The following PARD3B variants were observed in gnomAD, a reference collection of about 807,000 sequenced individuals.
PARD3B encodes partitioning defective 3 homolog B.
Under a neutral mutation model 130.2 loss-of-function variants are expected in PARD3B, and 103 were observed. The ratio of observed to expected loss-of-function variants is 0.79; its 90% CI spans 0.67 to 0.93. PARD3B has a LOEUF of 0.93. Among genes scored for constraint, PARD3B ranks in the 40% least tolerant of loss-of-function variants. The probability of loss-of-function intolerance (pLI) is 0.00; values close to 1 mark genes in which losing one functional copy is unlikely to be tolerated. For missense variants in PARD3B, 1,609 were observed against 1,499.2 expected (o/e 1.07, Z -1.21); for synonymous variants, 583 against 553.2 (o/e 1.05, Z -0.76).
Position 205,458,926 on chromosome 2 carries a change from G to A in PARD3B, c.3044+18254G>A, listed in dbSNP as rs2048360101. Among the ~76,000 whole-genome samples, 1 of 152,178 alleles carries A rather than the reference G, an allele frequency of 6.6e-6. No homozygotes were observed. The highest frequency in any genetic ancestry group is 2.1e-4 in the South Asian group (1 of 4,832). Reference sequence around the variant, plus strand: ...TCACTAGAAGCTGGATTTTAGTTATGTGAGGGGTAGTGTATTAGTTTACTC... The same window carrying A: ...TCACTAGAAGCTGGATTTTAGTTATATGAGGGGTAGTGTATTAGTTTACTC... On this transcript the variant is annotated intron_variant, in intron 20 of 22. Coordinates refer to ENST00000406610, the MANE Select transcript of PARD3B (RefSeq NM_001302769.2). This position sits in a 1 kb window ranked among gnomAD's most constrained non-coding sequence, Gnocchi z 4.8.
chr2:205,204,279 C>T (rs989502919), intron 15 of PARD3B, among the ~76,000 whole-genome samples: 9 of 152,112 alleles, frequency 5.9e-5, no homozygotes, highest in Non-Finnish European at 1.2e-4. Flanking sequence ...TCATATCCTT[C>T]ACCCACTTTT....
intron 4 of PARD3B, among the ~76,000 whole-genome samples, chr2:205,066,855 T>A (rs904192989): frequency 6.6e-6 from 1 of 152,094 alleles, no homozygotes; most frequent in Non-Finnish European, 1.5e-5. Context: ...TAACTTTTAT[T>A]TTCAGTTTTT....
At chr2:204,603,257 T>G (rs184596598) in intron 1 of PARD3B, among the ~76,000 whole-genome samples, 6 of 152,272 alleles carry the variant, frequency 3.9e-5, no homozygotes, top group African/African-American at 1.4e-4. Context: ...GTCAACCTCT[T>G]TGAGAATTTT....
chr2:205,381,858 C>G (rs1188908941), intron 18 of PARD3B, among the ~76,000 whole-genome samples: 2 of 151,968 alleles, frequency 1.3e-5, no homozygotes, highest in Non-Finnish European at 2.9e-5. Context: ...AGGGATGCAT[C>G]AAGCAGAACA....
intron 16 of PARD3B, among the ~76,000 whole-genome samples, chr2:205,254,674 T>A (rs147021071): frequency 0.034 from 5,195 of 151,026 alleles, 237 homozygotes; most frequent in African/African-American, 0.1. Context: ...ATTTTATTTT[T>A]TTTTTTTGAG....
chr2:204,944,283 T>C (rs1689139456), intron 2 of PARD3B, among the ~76,000 whole-genome samples: 1 of 152,234 alleles, frequency 6.6e-6, no homozygotes, highest in Non-Finnish European at 1.5e-5. Context: ...TGGAGACCTA[T>C]AAGGCAGAGA....
chr2:204,750,385 A>C (rs891669240), intron 2 of PARD3B, among the ~76,000 whole-genome samples: 1 of 152,276 alleles, frequency 6.6e-6, no homozygotes, highest in South Asian at 2.1e-4. Context: ...GCAGTTCAAG[A>C]CCAGCCTGGG....
intron 20 of PARD3B, among the ~76,000 whole-genome samples, chr2:205,483,114 C>T (rs2049308120): frequency 6.6e-6 from 1 of 152,138 alleles, no homozygotes; most frequent in South Asian, 2.1e-4. Flanking sequence ...CTCTCTCTGC[C>T]TTTCAGTATC....
chr2:204,936,663 T>G (rs542530027), intron 2 of PARD3B, among the ~76,000 whole-genome samples: 21 of 152,342 alleles, frequency 1.4e-4, no homozygotes, highest in Non-Finnish European at 2.2e-4. Context: ...GAACTGAGGA[T>G]TCTCTGAGTT....
chr2:204,897,385 G>GTTTT (rs56693580), intron 2 of PARD3B, among the ~76,000 whole-genome samples: 17,587 of 127,436 alleles, frequency 0.14, 1,986 homozygotes, highest in African/African-American at 0.28. Context: ...TGTAGGTACT[G>GTTTT]TTTTTTTTTT....
intron 18 of PARD3B, among the ~76,000 whole-genome samples, chr2:205,391,906 A>G (rs1450362361): frequency 6.6e-6 from 1 of 151,894 alleles, no homozygotes; most frequent in Non-Finnish European, 1.5e-5. Context: ...CTCAGAGTAC[A>G]GTTTTTATTT....
intron 10 of PARD3B, among the ~76,000 whole-genome samples, chr2:205,143,310 A>G (rs1057070890): frequency 6.6e-5 from 10 of 152,194 alleles, no homozygotes; most frequent in African/African-American, 2.4e-4. Context: ...TTCATGTATC[A>G]GCAAGTAAAA....
At chr2:204,759,608 G>A (rs2040817167) in intron 2 of PARD3B, among the ~76,000 whole-genome samples, 1 of 151,870 alleles carries the variant, frequency 6.6e-6, no homozygotes. Context: ...GTTAACATTT[G>A]CATGCTTTTA....
chr2:205,049,470 CAT>C (rs1699033802), intron 4 of PARD3B, among the ~76,000 whole-genome samples: 1 of 152,166 alleles, frequency 6.6e-6, no homozygotes. Flanking sequence ...CCTCCCCCAA[CAT>C]GTGGGGATTA....
rs373453930 is a variant in PARD3B, at chr2:205,550,217, C to T, written c.3181-3107C>T. ...TCATCCATATTCAGGTTTGAGATGA[C>T]GCTTCAACACCCGTATGACGCTGTC... On this transcript the variant is annotated intron_variant, in intron 21 of 22. Transcript: ENST00000406610. The surrounding 1 kb of genome is among the most constrained non-coding windows in gnomAD (Gnocchi z 4.5). Among the ~76,000 whole-genome samples, 17 of 152,244 alleles carry T rather than the reference C, an allele frequency of 1.1e-4. No homozygotes were observed. Among genetic ancestry groups the T allele is most frequent in the South Asian group, 8.3e-4 (4 of 4,822 alleles).
intron 18 of PARD3B, among the ~76,000 whole-genome samples, chr2:205,375,491 AAC>A (rs2045007869): frequency 6.6e-6 from 1 of 152,186 alleles, no homozygotes; most frequent in Non-Finnish European, 1.5e-5. Flanking sequence ...GCAAGGTTTA[AAC>A]ACACACACAT....
chr2:205,397,772 C>T lies in PARD3B; in HGVS notation c.2631-3241C>T, dbSNP rs867170372. 7.9e-5 allele frequency among the ~76,000 whole-genome samples: 12 copies of T among 152,120 alleles called. No homozygotes were observed. The highest frequency in any genetic ancestry group is 1.3e-4 in the Admixed American group (2 of 15,274). On this transcript the variant is annotated intron_variant, in intron 18 of 22. Transcript: ENST00000406610. This position sits in a 1 kb window ranked among gnomAD's most constrained non-coding sequence, Gnocchi z 4.8. ...CACCGTGTTGAATATTTTGCCCAAA[C>T]ATTACTATATTTAATGACATTTTAA...
At chr2:205,384,865 G>A (rs991368088) in intron 18 of PARD3B, among the ~76,000 whole-genome samples, 2 of 152,022 alleles carry the variant, frequency 1.3e-5, no homozygotes, top group Non-Finnish European at 2.9e-5. Context: ...TAGAACTCCT[G>A]TAATGCTGAC....
At chr2:204,665,115 T>C (rs891713460) in intron 1 of PARD3B, among the ~76,000 whole-genome samples, 2 of 151,960 alleles carry the variant, frequency 1.3e-5, no homozygotes, top group African/African-American at 4.8e-5. Context: ...TTTTTGTTTT[T>C]TTTTTTGTCT....
Sources: allele counts gnomAD v4.1 joint callset (sites outside exome capture counted in the v4.1 genomes callset), GRCh38; gene constraint gnomAD v4.1.1; non-coding constraint Gnocchi (gnomAD v3.1); transcripts MANE v1.5; gene names NCBI Gene and HGNC (gene_info 2026-07-23, HGNC 2026-07-21).